Variants in MGAT4B observed in about 807,000 individuals in gnomAD.
The protein encoded by MGAT4B is alpha-1,3-mannosyl-glycoprotein 4-beta-N-acetylglucosaminyltransferase B, also known as N-acetylglucosaminyltransferase IVb.
MGAT4B carries 38 observed loss-of-function variants against 73.9 expected under a neutral mutation model. The observed-to-expected ratio is 0.51, with a 90% CI of 0.40 to 0.67. The LOEUF (loss-of-function observed/expected upper bound fraction) is 0.67, where lower values mean the gene tolerates loss of function less well. Ranked by LOEUF, MGAT4B falls within the 30% of genes least tolerant of loss-of-function variation. The pLI is 0.00. For missense variants in MGAT4B, 686 were observed against 735.2 expected (o/e 0.93, Z 0.77); for synonymous variants, 373 against 313.5 (o/e 1.19, Z -2.01).
rs1021004744 is a variant in MGAT4B at position 179,806,356 on chromosome 5, C to T, written c.97+131G>A. The T allele has an allele frequency of 4.1e-5, 14 of 339,552 alleles. No homozygotes were observed. The highest frequency in any genetic ancestry group is 6.1e-5 in the Non-Finnish European group (14 of 228,566). The allele number at this position is 339,552 out of a possible 1,614,324, so 21.0% of individuals were successfully genotyped here. On this transcript the variant is annotated intron_variant, in intron 1 of 14. Coordinates refer to ENST00000292591, the MANE Select transcript of MGAT4B (RefSeq NM_014275.5). This position sits in a 1 kb window ranked among gnomAD's most constrained non-coding sequence, Gnocchi z 4.6. ...AAGTGGGGGAGGGTGGGAGGGGCGTCCTCGCGCCGCCCGGGCGGGGAAGGG... is the reference window on the plus strand; with the variant it reads ...AAGTGGGGGAGGGTGGGAGGGGCGTTCTCGCGCCGCCCGGGCGGGGAAGGG...
At position 179,806,564 on chromosome 5, in the gene MGAT4B, G is replaced by A; in HGVS notation, c.20C>T (p.Thr7Ile). Residue 7 changes from threonine (T) to isoleucine (I), a missense_variant, in exon 1 of 15, where the codon ACC becomes ATC. This residue lies in a region of MGAT4B where 237 missense variants were observed against 198.5 expected (regional missense o/e 1.19). Transcript: ENST00000292591. The surrounding 1 kb of genome is among the most constrained non-coding windows in gnomAD (Gnocchi z 4.6). MRLRNGTFLTLLLFCLC... is the reference protein window; with the variant it reads MRLRNGIFLTLLLFCLC... ...GCAGAAGAGCAGCAGCGTCAGGAAG[G>A]TGCCATTGCGGAGCCTCATCTCCTC... The A allele has an allele frequency of 1.5e-6, 2 of 1,302,046 alleles. No homozygotes were observed. The highest frequency in any genetic ancestry group is 2.0e-6 in the Non-Finnish European group (2 of 998,092). 80.7% of individuals were successfully genotyped at this position (1,302,046 alleles called of 1,614,324 possible). A position where few individuals can be genotyped will look rare whatever the true frequency, so the allele number is the denominator to read the frequency against.
At chr5:179,798,325 C>T in intron 13 of MGAT4B, 22 bp downstream of exon 13, 1 of 1,613,020 alleles carries the variant, frequency 6.2e-7, no homozygotes, top group East Asian at 2.2e-5. Flanking sequence ...CCAGCCCACG[C>T]TCTCCCCCAA....
In MGAT4B at chr5:179,800,510, G is replaced by C; in HGVS notation, c.693C>G (p.Ser231=). The C allele has an allele frequency of 6.2e-7, 1 of 1,610,936 alleles. No individual in the cohort carries two copies. The highest frequency in any genetic ancestry group is 8.5e-7 in the Non-Finnish European group (1 of 1,179,106). ...FYPDFSRLRE[S]FGDPKERVRW... The stretch of plus-strand genomic sequence containing the variant: ...TGACTCTCTCCTTGGGGTCCCCAAA[G>C]GACTCTCGGAGGCGGGAGAAGTCAG... Residue 231 remains serine (S), a synonymous_variant, in exon 6 of 15, where the codon TCC becomes TCG. Coordinates refer to ENST00000292591, the MANE Select transcript of MGAT4B (RefSeq NM_014275.5).
intron 8 of MGAT4B, 91 bp from the exon 9 acceptor site, chr5:179,799,727 C>T (rs1581972411): frequency 6.3e-7 from 1 of 1,578,216 alleles, no homozygotes. Context: ...AACCCAGGGG[C>T]AGGCTTCAGG....
At chr5:179,798,111 G>A (rs894553421) in intron 14 of MGAT4B, 43 bp from the exon 15 acceptor site, 11 of 1,602,044 alleles carry the variant, frequency 6.9e-6, no homozygotes, top group Non-Finnish European at 8.5e-6. Flanking sequence ...TCTGAGCTCC[G>A]CCAGGGTCTC....
At position 179,797,897 on chromosome 5, in the gene MGAT4B, AGCG is replaced by A; in HGVS notation, c.*145_*147del. On this transcript the variant is annotated 3_prime_UTR_variant, in exon 15 of 15. Coordinates refer to ENST00000292591, the MANE Select transcript of MGAT4B (RefSeq NM_014275.5). ...CACCAGCTCCTAGGGCCTCCGGGCC[AGCG>A]GCGGACCCCAGGCCGGCCCAAGCCC... The A allele has an allele frequency of 8.7e-7, 1 of 1,149,742 alleles. No homozygotes were observed. The highest frequency in any genetic ancestry group is 1.2e-6 in the Non-Finnish European group (1 of 812,724). The allele number at this position is 1,149,742 out of a possible 1,614,324, so 71.2% of individuals were successfully genotyped here. A position where few individuals can be genotyped will look rare whatever the true frequency, so the allele number is the denominator to read the frequency against.
chr5:179,802,947 C>T (rs1757010824), intron 1 of MGAT4B: 7 of 985,494 alleles, frequency 7.1e-6, no homozygotes, highest in Non-Finnish European at 8.4e-6. Context: ...TCCCTCTACA[C>T]TCAGGCAGCT....
chr5:179,800,334 TG>T, intron 6 of MGAT4B, 75 bp from the exon 7 acceptor site: 2 of 1,548,782 alleles, frequency 1.3e-6, no homozygotes, highest in Non-Finnish European at 1.8e-6. Flanking sequence ...AGCCGCTGGG[TG>T]GGCAGCTTCT....
In MGAT4B at chr5:179,797,778, G is replaced by T. The variant is rs542872491; in HGVS notation, c.*267C>A. The T allele has an allele frequency of 2.5e-5, 11 of 432,278 alleles. No homozygotes were observed. In the South Asian group the frequency reaches 4.3e-4, roughly 17 times the overall value. The allele number at this position is 432,278 out of a possible 1,614,324, so 26.8% of individuals were successfully genotyped here. A position where few individuals can be genotyped will look rare whatever the true frequency, so the allele number is the denominator to read the frequency against. On this transcript the variant is annotated 3_prime_UTR_variant, in exon 15 of 15. Coordinates refer to ENST00000292591, the MANE Select transcript of MGAT4B (RefSeq NM_014275.5). Reference sequence around the variant, plus strand: ...CCCAAGTAAAAGCTCTTCTAAAACGGCCTGACTGGGGCAGGCCGGGTGCGA... The same window carrying T: ...CCCAAGTAAAAGCTCTTCTAAAACGTCCTGACTGGGGCAGGCCGGGTGCGA...
intron 1 of MGAT4B, 171 bp from the exon 2 acceptor site, chr5:179,802,140 C>T (rs768473451): frequency 6.6e-7 from 1 of 1,518,560 alleles, no homozygotes; most frequent in African/African-American, 1.4e-5. Context: ...ATTACACTGA[C>T]ACTAATGCTC....
chr5:179,805,716 C>T (rs1757120981), intron 1 of MGAT4B, among the ~76,000 whole-genome samples: 1 of 152,204 alleles, frequency 6.6e-6, no homozygotes, highest in Non-Finnish European at 1.5e-5. Context: ...AGGCCTCCAG[C>T]AGGCAGGCAG....
intron 1 of MGAT4B, chr5:179,802,810 G>C: frequency 3.0e-6 from 3 of 985,582 alleles, no homozygotes; most frequent in Non-Finnish European, 3.6e-6. Flanking sequence ...CAACCTCCTG[G>C]TGGCTCGGTG....
chr5:179,801,127 A>G lies in MGAT4B; in HGVS notation c.559-174T>C, dbSNP rs1756905061. Reference sequence around the variant, plus strand: ...ACGGCCCTTTCCCTTTGGGACTCGCATGGCCAAGGACTAGGGGGTGGCGGG... The same window carrying G: ...ACGGCCCTTTCCCTTTGGGACTCGCGTGGCCAAGGACTAGGGGGTGGCGGG... On this transcript the variant is annotated intron_variant, in intron 4 of 14. Coordinates refer to ENST00000292591, the MANE Select transcript of MGAT4B (RefSeq NM_014275.5). The surrounding 1 kb of genome is among the most constrained non-coding windows in gnomAD (Gnocchi z 4.8). 1 of 1,125,796 alleles carries G rather than the reference A, an allele frequency of 8.9e-7. No individual in the cohort carries two copies. The highest frequency in any genetic ancestry group is 1.6e-5 in the African/African-American group (1 of 64,080). The allele number at this position is 1,125,796 out of a possible 1,614,324, so 69.7% of individuals were successfully genotyped here.
In MGAT4B at chr5:179,801,512, C is replaced by G. The variant is rs1165398027; in HGVS notation, c.424+42G>C. The G allele has an allele frequency of 6.2e-7, 1 of 1,602,422 alleles. No homozygotes were observed. ...GACGCTGGAAAGGGTGCGGGGGCCA[C>G]CCGTCCCCCCACCCCGTGCTCCTCC... On this transcript the variant is annotated intron_variant, in intron 3 of 14. Coordinates refer to ENST00000292591, the MANE Select transcript of MGAT4B (RefSeq NM_014275.5). This position sits in a 1 kb window ranked among gnomAD's most constrained non-coding sequence, Gnocchi z 4.8.
chr5:179,801,198 C>G lies in MGAT4B; in HGVS notation c.558+136G>C. On this transcript the variant is annotated intron_variant, in intron 4 of 14. Transcript: ENST00000292591. This position sits in a 1 kb window ranked among gnomAD's most constrained non-coding sequence, Gnocchi z 4.8. ...GGTGCCAGAAAGCCCTTTCAACTTTCTATCTCGGAGCATTTGCGAATGAAA... is the reference window on the plus strand; with the variant it reads ...GGTGCCAGAAAGCCCTTTCAACTTTGTATCTCGGAGCATTTGCGAATGAAA... 7.4e-7 allele frequency: 1 copy of G among 1,342,812 alleles called. No individual in the cohort carries two copies. The highest frequency in any genetic ancestry group is 1.0e-6 in the Non-Finnish European group (1 of 1,002,948). 83.2% of individuals were successfully genotyped at this position (1,342,812 alleles called of 1,614,324 possible).
chr5:179,804,357 T>C (rs1303049492), intron 1 of MGAT4B, among the ~76,000 whole-genome samples: 2 of 152,166 alleles, frequency 1.3e-5, no homozygotes, highest in Non-Finnish European at 2.9e-5. Flanking sequence ...GTGTCCATCA[T>C]TGCTGAAGTC....
At chr5:179,802,122 A>C in intron 1 of MGAT4B, 153 bp from the exon 2 acceptor site, 1 of 1,534,136 alleles carries the variant, frequency 6.5e-7, no homozygotes, top group Non-Finnish European at 8.8e-7. Context: ...AGCTGGGGTC[A>C]CTCTAAAATT....
In MGAT4B at chr5:179,797,939, A is replaced by ACC; in HGVS notation, c.*104_*105dup. The ACC allele has an allele frequency of 1.4e-6, 2 of 1,467,596 alleles. No individual in the cohort carries two copies. Among genetic ancestry groups the ACC allele is most frequent in the South Asian group, 2.4e-5 (2 of 81,996 alleles). 90.9% of individuals were successfully genotyped at this position (1,467,596 alleles called of 1,614,324 possible). On this transcript the variant is annotated 3_prime_UTR_variant, in exon 15 of 15. Coordinates refer to ENST00000292591, the MANE Select transcript of MGAT4B (RefSeq NM_014275.5). ...CGGCCCAAGCCCGACGCCAGGCAGA[A>ACC]CCCTTTGGGCGGGGCCGTATCTGGC...
intron 1 of MGAT4B, 83 bp from the exon 2 acceptor site, chr5:179,802,052 G>T (rs760123735): frequency 4.4e-6 from 7 of 1,608,044 alleles, no homozygotes; most frequent in Non-Finnish European, 5.1e-6. Context: ...GCACACATCT[G>T]GGTGTCCACC....
Sources: allele counts gnomAD v4.1 joint callset (sites outside exome capture counted in the v4.1 genomes callset), GRCh38; gene constraint gnomAD v4.1.1; regional missense constraint gnomAD v4.1.1; non-coding constraint Gnocchi (gnomAD v3.1); transcripts MANE v1.5; gene names NCBI Gene and HGNC (gene_info 2026-07-23, HGNC 2026-07-21).